PARP10: variants seen among roughly 807,000 people sequenced by gnomAD.
PARP10 encodes protein mono-ADP-ribosyltransferase PARP10.
A neutral mutation model predicts 82.4 loss-of-function variants in PARP10; 56 were observed. The observed-to-expected ratio is 0.68, with a 90% confidence interval of 0.55 to 0.85. The LOEUF (loss-of-function observed/expected upper bound fraction) is 0.85, where lower values mean the gene tolerates loss of function less well. PARP10 is among the 40% of genes least tolerant of loss of function. PARP10 has a pLI of 0.00. For missense variants in PARP10, 1,227 were observed against 1,379.4 expected (o/e 0.89, Z 1.75); for synonymous variants, 576 against 601.1 (o/e 0.96, Z 0.61).
intron 9 of PARP10, among the ~76,000 whole-genome samples, chr8:143,979,665 C>T (rs1833799998): frequency 6.6e-6 from 1 of 152,162 alleles, no homozygotes; most frequent in Non-Finnish European, 1.5e-5. Flanking sequence ...AATCCTGGCA[C>T]TTTGGGAGGC....
intron 9 of PARP10, among the ~76,000 whole-genome samples, chr8:143,981,303 G>A (rs1414120493): frequency 1.3e-5 from 2 of 149,828 alleles, no homozygotes; most frequent in African/African-American, 4.9e-5. Context: ...GGTGGTGGTG[G>A]TAGTGGTGGT....
rs140366215 is a variant in PARP10, at chr8:143,999,258, G to A, written c.-79-12820C>T. The stretch of plus-strand genomic sequence containing the variant: ...ACTTTGTCGCCCAGGCTGGAGTGCA[G>A]TGGCACAATCTCGGCTCACTGCAAC... On this transcript the variant is annotated intron_variant, in intron 1 of 3. Transcript: ENST00000530478. Among the ~76,000 whole-genome samples the A allele has an allele frequency of 4.5e-4, 69 of 152,074 alleles. 1 individual carries two copies. The highest frequency in any genetic ancestry group is 1.5e-3 in the African/African-American group (63 of 41,456).
upstream of PARP10, among the ~76,000 whole-genome samples, chr8:143,995,564 A>T (rs1468695859): frequency 2.0e-5 from 3 of 152,112 alleles, no homozygotes; most frequent in Admixed American, 2.0e-4. Context: ...AGCAATTGTG[A>T]GGCCACCACA....
At position 143,977,770 on chromosome 8, in the gene PARP10, C is replaced by T. The variant is rs1554746619; in HGVS notation, c.2792G>A (p.Arg931His). 2 of 1,603,934 alleles carry T rather than the reference C, an allele frequency of 1.2e-6. No individual in the cohort carries two copies. Among genetic ancestry groups the T allele is most frequent in the South Asian group, 1.1e-5 (1 of 89,886 alleles). ...ARRASLSVQD[R>H]YSPPNADGHK... The stretch of plus-strand genomic sequence containing the variant: ...GCCATCGGCGTTGGGGGGCGAGTAG[C>T]GGTCCTGCACCGACAGGGAGGCGCG... Residue 931 changes from arginine to histidine, a missense_variant, in exon 11 of 11, where the codon CGC (arginine) becomes CAC (histidine). Physicochemically the swap from Arg to His is conservative, Grantham distance 29 (BLOSUM62 0). Coordinates refer to ENST00000313028, the MANE Select transcript of PARP10 (RefSeq NM_032789.5).
chr8:143,997,566 C>T, intron 1 of PARP10, among the ~76,000 whole-genome samples: 1 of 137,938 alleles, frequency 7.2e-6, no homozygotes, highest in East Asian at 2.0e-4. Context: ...CTCAGCACCA[C>T]AAAGGGATCT....
rs188574464 is a variant in PARP10, at chr8:144,011,026, G to T, written c.-80+1504C>A. ...TCAACATCTTGTAGCTATTAATCAC[G>T]TCTATTAGACGTCTAATAGACGTGA... On this transcript the variant is annotated intron_variant, in intron 1 of 3. Coordinates refer to the PARP10 transcript ENST00000530478. This position sits in a 1 kb window ranked among gnomAD's most constrained non-coding sequence, Gnocchi z 4.5. Among the ~76,000 whole-genome samples the T allele has an allele frequency of 2.6e-5, 4 of 151,530 alleles. No individual in the cohort carries two copies. The highest frequency in any genetic ancestry group is 5.9e-5 in the Non-Finnish European group (4 of 67,902).
chr8:143,977,296 C>G lies in PARP10; in HGVS notation c.*188G>C. 1 of 651,510 alleles carries G rather than the reference C, an allele frequency of 1.5e-6. No homozygotes were observed. The highest frequency in any genetic ancestry group is 2.8e-5 in the East Asian group (1 of 35,288). The allele number at this position is 651,510 out of a possible 1,614,324, so 40.4% of individuals were successfully genotyped here. A position where few individuals can be genotyped will look rare whatever the true frequency, so the allele number is the denominator to read the frequency against. On this transcript the variant is annotated 3_prime_UTR_variant, in exon 11 of 11. Coordinates refer to ENST00000313028, the MANE Select transcript of PARP10 (RefSeq NM_032789.5). ...CCCCTGGTGGTGGGGTCGGCCCAGG[C>G]TGGGACCTAGCCCGGCCCCCCTCGG... is the stretch of plus-strand genomic sequence containing the variant.
At chr8:143,996,007 G>A (rs1467364449), upstream of PARP10, among the ~76,000 whole-genome samples, 1 of 152,118 alleles carries the variant, frequency 6.6e-6, no homozygotes, top group Non-Finnish European at 1.5e-5. Context: ...CCTGCTTCCT[G>A]ACAGCACCAA....
At chr8:143,990,005 G>T (rs923854188), upstream of PARP10, 3 of 146,376 alleles carry the variant, frequency 2.0e-5, no homozygotes, top group Non-Finnish European at 4.5e-5. This position sits in a 1 kb window ranked among gnomAD's most constrained non-coding sequence, Gnocchi z 5.6. Flanking sequence ...CCGCCCACCT[G>T]CCCCTCCCAC....
chr8:143,985,964 C>T lies in PARP10; in HGVS notation c.193G>A (p.Val65Ile), dbSNP rs782272919. The T allele has an allele frequency of 6.3e-7, 1 of 1,588,896 alleles. No individual in the cohort carries two copies. Among genetic ancestry groups the T allele is most frequent in the Non-Finnish European group, 8.6e-7 (1 of 1,163,442 alleles). The change falls in exon 3 of 11, where the codon GTC becomes ATC. Residue 65 changes from valine to isoleucine, a missense_variant. By Grantham distance (29) the Val-to-Ile change is conservative (BLOSUM62 3). Coordinates refer to ENST00000313028, the MANE Select transcript of PARP10 (RefSeq NM_032789.5). ...TFREPADAER[V>I]LAQADHELHG... ...AGTTCGTGATCTGCCTGGGCCAAGA[C>T]CCTCTCGGCGTCTGTGGGCAGGGGC...
intron 1 of PARP10, among the ~76,000 whole-genome samples, chr8:144,006,632 A>C (rs1834238601): frequency 6.6e-6 from 1 of 152,200 alleles, no homozygotes; most frequent in South Asian, 2.1e-4. Context: ...GTCCCCCCTC[A>C]AAATGCATGT....
intron 1 of PARP10, among the ~76,000 whole-genome samples, chr8:144,004,573 C>T (rs1003632535): frequency 6.6e-6 from 1 of 152,208 alleles, no homozygotes; most frequent in Admixed American, 6.5e-5. Flanking sequence ...TTAAACACCA[C>T]TCCCCAGGCT....
chr8:143,994,895 G>A (rs1283605723), upstream of PARP10, among the ~76,000 whole-genome samples: 3 of 152,208 alleles, frequency 2.0e-5, no homozygotes, highest in Middle Eastern at 3.2e-3. Context: ...AGACCCCTCA[G>A]GATTTTATAC....
At chr8:144,001,445 G>A (rs1004691978) in intron 1 of PARP10, among the ~76,000 whole-genome samples, 1 of 151,834 alleles carries the variant, frequency 6.6e-6, no homozygotes, top group Admixed American at 6.6e-5. Context: ...GGTGGCTTAC[G>A]CCTGTAATCC....
Position 143,985,420 on chromosome 8 carries a change from T to C in PARP10, c.665A>G (p.Gln222Arg). 1 of 1,609,648 alleles carries C rather than the reference T, an allele frequency of 6.2e-7. No homozygotes were observed. The highest frequency in any genetic ancestry group is 8.5e-7 in the Non-Finnish European group (1 of 1,178,058). Reference protein sequence around the residue: ...GPLGTVASFQQWQVAERVLQQ... With the variant: ...GPLGTVASFQRWQVAERVLQQ... ...TGCCCAGCCCCACTCACCTTGCCAC[T>C]GCTGGAAGGAGGCAACAGTGCCCAG... Residue 222 changes from glutamine to arginine, a missense_variant, in exon 4 of 11, where the codon CAG (glutamine) becomes CGG (arginine). By Grantham distance (43) the Gln-to-Arg change is conservative. Transcript: ENST00000313028.
chr8:143,982,265 C>T (rs563662711), intron 9 of PARP10, among the ~76,000 whole-genome samples: 228 of 152,136 alleles, frequency 1.5e-3, no homozygotes, highest in African/African-American at 4.7e-3. Context: ...GTCAGTAGAT[C>T]GAGACCATCC....
rs951934232 is a variant in PARP10 at position 144,008,115 on chromosome 8, G to A, written c.-80+4415C>T. ...TCCTCGTCAGCAACAGGCAGACCCG[G>A]AGGTTCAACATGGCCACGGCAGGCA... On this transcript the variant is annotated intron_variant, in intron 1 of 3. Transcript: ENST00000530478. This position sits in a 1 kb window ranked among gnomAD's most constrained non-coding sequence, Gnocchi z 4.0. Among the ~76,000 whole-genome samples, 1 of 152,172 alleles carries A rather than the reference G, an allele frequency of 6.6e-6. No individual in the cohort carries two copies. The highest frequency in any genetic ancestry group is 1.5e-5 in the Non-Finnish European group (1 of 68,032).
At position 144,008,730 on chromosome 8, in the gene PARP10, C is replaced by T. The variant is rs1398995323; in HGVS notation, c.-80+3800G>A. Among the ~76,000 whole-genome samples, 2 of 152,180 alleles carry T rather than the reference C, an allele frequency of 1.3e-5. No homozygotes were observed. Among genetic ancestry groups the T allele is most frequent in the Non-Finnish European group, 2.9e-5 (2 of 68,026 alleles). On this transcript the variant is annotated intron_variant, in intron 1 of 3. Transcript: ENST00000530478. The surrounding 1 kb of genome is among the most constrained non-coding windows in gnomAD (Gnocchi z 4.0). ...CTCTCACTCCCCAGACTCTAGCCCCCAGACATGTCATCCAAATGGATGTGG... is the reference window on the plus strand; with the variant it reads ...CTCTCACTCCCCAGACTCTAGCCCCTAGACATGTCATCCAAATGGATGTGG...
chr8:143,978,900 G>A (rs1343894178), intron 9 of PARP10, among the ~76,000 whole-genome samples: 2 of 151,988 alleles, frequency 1.3e-5, no homozygotes, highest in African/African-American at 4.8e-5. Context: ...GGACAATGAG[G>A]AAAGACAACG....
Sources: allele counts gnomAD v4.1 joint callset (sites outside exome capture counted in the v4.1 genomes callset), GRCh38; gene constraint gnomAD v4.1.1; non-coding constraint Gnocchi (gnomAD v3.1); transcripts MANE v1.5; gene names NCBI Gene and HGNC (gene_info 2026-07-23, HGNC 2026-07-21).